PTPRD: variants seen among roughly 807,000 people sequenced by gnomAD.
PTPRD encodes the protein receptor-type tyrosine-protein phosphatase delta.
Under a neutral mutation model 214.5 loss-of-function variants are expected in PTPRD, and 34 were observed. That is an observed-to-expected ratio of 0.16 (90% confidence interval 0.12 to 0.21). The LOEUF is 0.21. Ranked by LOEUF, PTPRD falls within the 10% of genes least tolerant of loss-of-function variation. The probability of loss-of-function intolerance (pLI) is 1.00; values close to 1 mark genes in which losing one functional copy is unlikely to be tolerated. For synonymous variants in PTPRD, 1,128 were observed against 845.7 expected, an observed-to-expected ratio of 1.33 and a Z score of -5.79; for missense variants, 2,545 against 2,398.7, an observed-to-expected ratio of 1.06 and a Z score of -1.27.
intron 8 of PTPRD, among the ~76,000 whole-genome samples, chr9:9,426,505 G>A (rs2080984475): frequency 6.6e-6 from 1 of 152,158 alleles, no homozygotes; most frequent in South Asian, 2.1e-4. Context: ...AACAAAAGGA[G>A]CAGAAACTTC....
chr9:9,958,951 TA>T (rs547502624), intron 4 of PTPRD, among the ~76,000 whole-genome samples: 1 of 152,232 alleles, frequency 6.6e-6, no homozygotes, highest in East Asian at 1.9e-4. Flanking sequence ...GGTGGGCTTT[TA>T]AAACTACACA....
At chr9:9,403,659 GTAAGA>G (rs2071930649) in intron 8 of PTPRD, among the ~76,000 whole-genome samples, 1 of 152,002 alleles carries the variant, frequency 6.6e-6, no homozygotes. Context: ...GATAAAATGA[GTAAGA>G]TAATTTATTA....
intron 2 of PTPRD, among the ~76,000 whole-genome samples, chr9:10,470,356 C>T (rs375958250): frequency 1.3e-5 from 2 of 152,114 alleles, no homozygotes; most frequent in East Asian, 1.9e-4. Context: ...TATCAAAATC[C>T]ATTATATAGC....
intron 3 of PTPRD, among the ~76,000 whole-genome samples, chr9:10,245,848 T>C (rs541013276): frequency 3.3e-4 from 50 of 152,160 alleles, no homozygotes; most frequent in Non-Finnish European, 6.9e-4. Flanking sequence ...AGAGATAGTA[T>C]CAAGTAAGGG....
chr9:9,390,571 G>A (rs1371472436), intron 9 of PTPRD, among the ~76,000 whole-genome samples: 1 of 152,044 alleles, frequency 6.6e-6, no homozygotes, highest in Non-Finnish European at 1.5e-5. Context: ...TTAAAAATGT[G>A]TTATTATTGT....
chr9:8,906,791 T>C (rs1001448017), intron 11 of PTPRD, among the ~76,000 whole-genome samples: 2 of 152,004 alleles, frequency 1.3e-5, no homozygotes, highest in Non-Finnish European at 2.9e-5. Context: ...GCAGACTATA[T>C]GACTATCCAG....
At chr9:9,397,366 G>C (rs2068296582) in intron 9 of PTPRD, 83 bp downstream of exon 9, 1 of 152,192 alleles carries the variant, frequency 6.6e-6, no homozygotes, top group Admixed American at 6.6e-5. Context: ...TTTAACCAAA[G>C]GTTTTATAGG....
chr9:10,055,361 T>C (rs2097611059), intron 3 of PTPRD, among the ~76,000 whole-genome samples: 1 of 152,168 alleles, frequency 6.6e-6, no homozygotes, highest in South Asian at 2.1e-4. Flanking sequence ...ATCCATTGAA[T>C]ACTTACGAAT....
At chr9:9,007,351 A>T (rs779515370) in intron 11 of PTPRD, among the ~76,000 whole-genome samples, 1 of 151,382 alleles carries the variant, frequency 6.6e-6, no homozygotes. Context: ...GACAAGAGGA[A>T]CAAGGAGGGT....
At chr9:8,930,459 T>A (rs113185809) in intron 11 of PTPRD, among the ~76,000 whole-genome samples, 20,276 of 152,218 alleles carry the variant, frequency 0.13, 1,872 homozygotes, top group Non-Finnish European at 0.2. Flanking sequence ...TTATTTATAA[T>A]CCTTTGGGTA....
At chr9:9,643,378 C>T (rs1206649784) in intron 7 of PTPRD, among the ~76,000 whole-genome samples, 2 of 152,062 alleles carry the variant, frequency 1.3e-5, no homozygotes, top group South Asian at 2.1e-4. Flanking sequence ...AACATAGGGC[C>T]TCAATCACTA....
intron 9 of PTPRD, among the ~76,000 whole-genome samples, chr9:9,221,754 C>T (rs948849910): frequency 1.3e-5 from 2 of 152,028 alleles, no homozygotes; most frequent in South Asian, 4.1e-4. Context: ...GACCAGAATT[C>T]TGTCCATAGC....
intron 11 of PTPRD, among the ~76,000 whole-genome samples, chr9:8,885,510 T>TG (rs2098479636): frequency 7.1e-6 from 1 of 141,808 alleles, no homozygotes; most frequent in East Asian, 2.2e-4. Context: ...TTTTTTTTTT[T>TG]TCTGAGACCA....
chr9:8,759,353 A>C (rs1424072976), intron 11 of PTPRD, among the ~76,000 whole-genome samples: 1 of 151,896 alleles, frequency 6.6e-6, no homozygotes, highest in Non-Finnish European at 1.5e-5. Flanking sequence ...TGCCCGGCCT[A>C]ATGTTATTTA....
intron 10 of PTPRD, among the ~76,000 whole-genome samples, chr9:9,127,424 G>A (rs563829411): frequency 2.0e-5 from 3 of 152,168 alleles, no homozygotes; most frequent in Admixed American, 6.5e-5. Flanking sequence ...GAAGAGAAAT[G>A]AATTGATATA....
chr9:9,729,779 A>C (rs1199522690), intron 7 of PTPRD, among the ~76,000 whole-genome samples: 1 of 152,142 alleles, frequency 6.6e-6, no homozygotes, highest in African/African-American at 2.4e-5. Context: ...GAGAACGAAC[A>C]TATTAGTAAA....
chr9:9,513,018 A>G (rs1268321366), intron 8 of PTPRD, among the ~76,000 whole-genome samples: 2 of 152,050 alleles, frequency 1.3e-5, no homozygotes, highest in East Asian at 3.9e-4. Context: ...TTTGGGATCT[A>G]GATGTGTTAC....
At chr9:8,629,428 G>A (rs1043023507) in intron 14 of PTPRD, among the ~76,000 whole-genome samples, 10 of 151,906 alleles carry the variant, frequency 6.6e-5, no homozygotes, top group African/African-American at 1.9e-4. Flanking sequence ...TCTTTAGTCA[G>A]GAAGAAATTG....
chr9:9,875,713 C>G (rs2066656928), intron 5 of PTPRD, among the ~76,000 whole-genome samples: 1 of 152,154 alleles, frequency 6.6e-6, no homozygotes, highest in African/African-American at 2.4e-5. Context: ...GACAGCTGAA[C>G]TAAAAGCAGA....
Sources: gnomAD v4.1 joint callset for allele counts (sites outside exome capture counted in the v4.1 genomes callset) on GRCh38, gnomAD v4.1.1 for gene constraint, MANE v1.5 for transcripts, NCBI Gene and HGNC (gene_info 2026-07-23, HGNC 2026-07-21) for gene names.